NOSTRIN: variants seen among roughly 807,000 people sequenced by gnomAD.
NOSTRIN encodes nitric oxide synthase trafficking.
Under a neutral mutation model 59.0 loss-of-function variants are expected in NOSTRIN, and 63 were observed. That is an observed-to-expected ratio of 1.07 (90% CI 0.87 to 1.32). The LOEUF is 1.32. Among genes scored for constraint, NOSTRIN ranks in the 40% most tolerant of loss-of-function variants. NOSTRIN has a pLI of 0.00. For synonymous variants in NOSTRIN, 200 were observed against 165.4 expected (o/e 1.21, Z -1.61); for missense variants, 512 against 473.1 (o/e 1.08, Z -0.76).
At chr2:168,841,669 G>T (rs901163882) in intron 7 of NOSTRIN, among the ~76,000 whole-genome samples, 3 of 152,186 alleles carry the variant, frequency 2.0e-5, no homozygotes, top group East Asian at 1.9e-4. Context: ...TGCCTTATCT[G>T]TGTTACCTAT....
chr2:168,804,190 C>G (rs1282604528), intron 1 of NOSTRIN, among the ~76,000 whole-genome samples: 1 of 152,182 alleles, frequency 6.6e-6, no homozygotes, highest in Non-Finnish European at 1.5e-5. Flanking sequence ...GAAATGTTTT[C>G]TTTCAGCAGC....
chr2:168,856,599 A>C, intron 11 of NOSTRIN, 91 bp from the exon 12 acceptor site: 1 of 1,109,338 alleles, frequency 9.0e-7, no homozygotes, highest in Non-Finnish European at 1.4e-6. Context: ...CACTGGTATC[A>C]CTTCTAGGCT....
chr2:168,807,103 C>G (rs536818654), intron 1 of NOSTRIN, among the ~76,000 whole-genome samples: 1 of 152,274 alleles, frequency 6.6e-6, no homozygotes, highest in Non-Finnish European at 1.5e-5. Flanking sequence ...GGGAATTAGA[C>G]TTTGGTGGCT....
chr2:168,787,550 G>A (rs189798571), intron 1 of NOSTRIN, among the ~76,000 whole-genome samples: 1 of 152,246 alleles, frequency 6.6e-6, no homozygotes, highest in Admixed American at 6.5e-5. Context: ...CTTATCACAC[G>A]GCCTTCCCCA....
At position 168,851,412 on chromosome 2, in the gene NOSTRIN, T is replaced by A. The variant is rs1389473911; in HGVS notation, c.855+8T>A. 4 of 1,592,484 alleles carry A rather than the reference T, an allele frequency of 2.5e-6. No individual in the cohort carries two copies. Among genetic ancestry groups the A allele is most frequent in the Admixed American group, 1.9e-5 (1 of 53,636 alleles). On this transcript the variant is annotated splice_region_variant and intron_variant, in intron 10 of 15. Transcript: ENST00000317647. ...CTGTTAACGGATTACTTTGTGAGTA[T>A]GAAATGGAAAAAAAAAGTTACATTA... is the stretch of plus-strand genomic sequence containing the variant.
chr2:168,797,281 G>T (rs191996198), upstream of NOSTRIN, among the ~76,000 whole-genome samples: 3 of 151,820 alleles, frequency 2.0e-5, no homozygotes. Context: ...ATTTTTGGTA[G>T]AGATGGGGTT....
chr2:168,862,626 T>C (rs572517012), intron 15 of NOSTRIN, among the ~76,000 whole-genome samples: 2 of 152,342 alleles, frequency 1.3e-5, no homozygotes, highest in South Asian at 2.1e-4. Flanking sequence ...AAAAGCTTTT[T>C]ACAGCCAGTC....
chr2:168,838,047 G>A (rs910715443), intron 7 of NOSTRIN, among the ~76,000 whole-genome samples: 10 of 152,164 alleles, frequency 6.6e-5, no homozygotes, highest in South Asian at 4.2e-4. Flanking sequence ...TCAGGTACTC[G>A]ATAAATAATA....
At chr2:168,864,797 A>T (rs1302341766) in intron 15 of NOSTRIN, 37 bp from the exon 16 acceptor site, 3 of 1,612,202 alleles carry the variant, frequency 1.9e-6, no homozygotes, top group African/African-American at 2.7e-5. Context: ...ATGTGTTCAC[A>T]TCACAGAGAC....
chr2:168,849,849 C>G (rs746786783), intron 8 of NOSTRIN, among the ~76,000 whole-genome samples: 2 of 151,844 alleles, frequency 1.3e-5, no homozygotes, highest in Non-Finnish European at 2.9e-5. Context: ...GTTGCTAAAG[C>G]TTTCTGCCCC....
upstream of NOSTRIN, among the ~76,000 whole-genome samples, chr2:168,798,673 G>A (rs1367697330): frequency 4.6e-5 from 7 of 152,222 alleles, no homozygotes; most frequent in Non-Finnish European, 8.8e-5. Flanking sequence ...AGCAGCCAGA[G>A]TATGAGTGCG....
At chr2:168,800,452 G>A (rs1020225524), upstream of NOSTRIN, among the ~76,000 whole-genome samples, 3 of 152,016 alleles carry the variant, frequency 2.0e-5, no homozygotes, top group Non-Finnish European at 4.4e-5. Context: ...TCTCAGTCTG[G>A]ATTCAGCTGG....
intron 7 of NOSTRIN, among the ~76,000 whole-genome samples, chr2:168,842,454 T>C (rs1230308274): frequency 1.3e-5 from 2 of 152,230 alleles, no homozygotes; most frequent in African/African-American, 4.8e-5. Flanking sequence ...ACTCTTATCC[T>C]GGAAGTTTGA....
At chr2:168,841,235 CAAAAAAA>C (rs57480764) in intron 7 of NOSTRIN, among the ~76,000 whole-genome samples, 11,186 of 105,470 alleles carry the variant, frequency 0.11, 237 homozygotes, top group Non-Finnish European at 0.15. Flanking sequence ...ACCCTGTCTC[CAAAAAAA>C]AAAAAAAAAA....
At chr2:168,820,416 G>A (rs150536717) in intron 2 of NOSTRIN, among the ~76,000 whole-genome samples, 18 of 152,260 alleles carry the variant, frequency 1.2e-4, no homozygotes, top group Middle Eastern at 6.8e-3. Flanking sequence ...GGATGTTCCT[G>A]TTTCTTGCCT....
chr2:168,850,231 A>G (rs1688679918), intron 8 of NOSTRIN, among the ~76,000 whole-genome samples: 2 of 152,146 alleles, frequency 1.3e-5, no homozygotes, highest in African/African-American at 2.4e-5. Flanking sequence ...GTTAATAGCT[A>G]ACAAAGCAAA....
chr2:168,798,970 C>A (rs1685552766), upstream of NOSTRIN, among the ~76,000 whole-genome samples: 1 of 152,136 alleles, frequency 6.6e-6, no homozygotes, highest in South Asian at 2.1e-4. Context: ...CTTGAACCCA[C>A]ACCTAGAAGC....
At chr2:168,801,681 C>T (rs1008218273), upstream of NOSTRIN, among the ~76,000 whole-genome samples, 2 of 152,172 alleles carry the variant, frequency 1.3e-5, no homozygotes, top group Non-Finnish European at 2.9e-5. Context: ...CCTTGCCTGC[C>T]AGTCAAACAG....
At chr2:168,824,560 A>C (rs1686946617) in intron 2 of NOSTRIN, 74 bp from the exon 3 acceptor site, 1 of 789,508 alleles carries the variant, frequency 1.3e-6, no homozygotes, top group Admixed American at 1.8e-5. Context: ...TGGCCTCCCA[A>C]AGTGCTGGGA....
Sources: gnomAD v4.1 joint callset for allele counts (sites outside exome capture counted in the v4.1 genomes callset) on GRCh38, gnomAD v4.1.1 for gene constraint, MANE v1.5 for transcripts, NCBI Gene and HGNC (gene_info 2026-07-23, HGNC 2026-07-21) for gene names.